ATAD2B: variants seen among roughly 807,000 people sequenced by gnomAD.
The protein encoded by ATAD2B is ATPase family AAA domain containing 2B.
ATAD2B carries 40 observed loss-of-function variants against 167.6 expected under a neutral mutation model. The observed-to-expected ratio is 0.24, with a 90% CI of 0.19 to 0.31. ATAD2B has a LOEUF of 0.31. Among genes scored for constraint, ATAD2B ranks in the 10% least tolerant of loss-of-function variants. ATAD2B has a pLI of 1.00. For synonymous variants in ATAD2B, 579 were observed against 596.5 expected, an observed-to-expected ratio of 0.97 and a Z score of 0.43; for missense variants, 1,242 against 1,757.2, an observed-to-expected ratio of 0.71 and a Z score of 5.24.
chr2:23,782,156 G>A (rs1383637681), intron 22 of ATAD2B, among the ~76,000 whole-genome samples: 1 of 152,124 alleles, frequency 6.6e-6, no homozygotes, highest in Admixed American at 6.6e-5. Context: ...TATTAGCCTT[G>A]CTCCATTTTC....
At chr2:23,876,033 C>A (rs1001211454) in intron 7 of ATAD2B, 129 bp from the exon 8 acceptor site, 5 of 689,472 alleles carry the variant, frequency 7.3e-6, no homozygotes, top group Non-Finnish European at 1.2e-5. Context: ...CTTGCTCTAA[C>A]GCCAGGCTGG....
chr2:23,772,189 T>A (rs1251109230), intron 22 of ATAD2B, among the ~76,000 whole-genome samples: 1 of 152,158 alleles, frequency 6.6e-6, no homozygotes, highest in African/African-American at 2.4e-5. Context: ...TTTTACTTCA[T>A]CTTGGCCAGA....
In ATAD2B at chr2:23,917,179, G is replaced by A. The variant is rs190307874; in HGVS notation, c.216+9376C>T. 2.2e-4 allele frequency among the ~76,000 whole-genome samples: 33 copies of A among 152,338 alleles called. No homozygotes were observed. In the East Asian group the frequency reaches 2.7e-3, roughly 12 times the overall value. On this transcript the variant is annotated intron_variant, in intron 1 of 27. Coordinates refer to ENST00000238789, the MANE Select transcript of ATAD2B (RefSeq NM_017552.4). Reference sequence around the variant, plus strand: ...GCTGCTCGATATTTACTGAATGAATGAATGAATGAACGAACAAAGGAACAA... The same window carrying A: ...GCTGCTCGATATTTACTGAATGAATAAATGAATGAACGAACAAAGGAACAA...
At chr2:23,700,605 C>A in the ATAD2B span, among the ~76,000 whole-genome samples, 3 of 152,198 alleles carry the variant, frequency 2.0e-5, no homozygotes, top group African/African-American at 7.2e-5. This position sits in a 1 kb window ranked among gnomAD's most constrained non-coding sequence, Gnocchi z 4.6. Flanking sequence ...AGAGAGCTGG[C>A]TGTTAAACAT....
chr2:23,833,044 G>A (rs1689313938), intron 14 of ATAD2B, among the ~76,000 whole-genome samples: 1 of 152,166 alleles, frequency 6.6e-6, no homozygotes, highest in Non-Finnish European at 1.5e-5. Context: ...AAATAACCTG[G>A]TGCCAATTTA....
the ATAD2B span, among the ~76,000 whole-genome samples, chr2:23,683,104 A>G: frequency 3.9e-5 from 6 of 152,254 alleles, no homozygotes; most frequent in Non-Finnish European, 5.9e-5. Flanking sequence ...CAGAGAGACA[A>G]AGGGTCTTGG....
chr2:23,829,067 T>C, intron 14 of ATAD2B, 128 bp from the exon 15 acceptor site: 2 of 623,918 alleles, frequency 3.2e-6, no homozygotes, highest in East Asian at 5.8e-5. Flanking sequence ...ATTTTTATTT[T>C]AAAAAAAATT....
chr2:23,769,495 T>C (rs995760248), intron 22 of ATAD2B, among the ~76,000 whole-genome samples: 3 of 151,962 alleles, frequency 2.0e-5, no homozygotes, highest in Admixed American at 6.6e-5. Flanking sequence ...GCCCTTTGTA[T>C]CCACAGGTTT....
chr2:23,800,853 G>GA (rs1348808530), intron 18 of ATAD2B, among the ~76,000 whole-genome samples: 1 of 151,804 alleles, frequency 6.6e-6, no homozygotes, highest in Non-Finnish European at 1.5e-5. Flanking sequence ...ACCTATTGGG[G>GA]AAAAAAATCA....
the ATAD2B span, chr2:23,696,535 CAG>C: frequency 6.7e-7 from 1 of 1,486,362 alleles, no homozygotes; most frequent in Non-Finnish European, 9.0e-7. This position sits in a 1 kb window ranked among gnomAD's most constrained non-coding sequence, Gnocchi z 5.5. Flanking sequence ...ACGGTCAGGA[CAG>C]GGGCATGCTC....
chr2:23,761,857 T>C (rs2149321048), intron 24 of ATAD2B, among the ~76,000 whole-genome samples: 1 of 152,190 alleles, frequency 6.6e-6, no homozygotes, highest in South Asian at 2.1e-4. Flanking sequence ...TTTCCCACCC[T>C]AAAGAGAACA....
At chr2:23,815,744 C>T (rs1686342028) in intron 17 of ATAD2B, among the ~76,000 whole-genome samples, 1 of 152,158 alleles carries the variant, frequency 6.6e-6, no homozygotes, top group Non-Finnish European at 1.5e-5. Flanking sequence ...CACAACTTTT[C>T]TGAAATTATA....
intron 2 of ATAD2B, among the ~76,000 whole-genome samples, chr2:23,891,962 T>G (rs1699567450): frequency 6.6e-6 from 1 of 152,206 alleles, no homozygotes; most frequent in Admixed American, 6.5e-5. Flanking sequence ...TCAAGGCATT[T>G]AATGATTTAT....
intron 1 of ATAD2B, among the ~76,000 whole-genome samples, chr2:23,899,655 A>G (rs1700563059): frequency 6.6e-6 from 1 of 151,940 alleles, no homozygotes; most frequent in South Asian, 2.1e-4. Flanking sequence ...CAGTGGCATG[A>G]TCTCAGCTCA....
chr2:23,911,394 A>G (rs1702280135), intron 1 of ATAD2B, among the ~76,000 whole-genome samples: 1 of 151,910 alleles, frequency 6.6e-6, no homozygotes, highest in African/African-American at 2.4e-5. Context: ...TCTCTACAAA[A>G]AATACAAAAA....
At chr2:23,770,492 T>G (rs1678167427) in intron 22 of ATAD2B, among the ~76,000 whole-genome samples, 1 of 152,236 alleles carries the variant, frequency 6.6e-6, no homozygotes, top group Non-Finnish European at 1.5e-5. Flanking sequence ...CTATAGGTTT[T>G]AAGTTCTTGT....
rs558036994 is a variant in ATAD2B at position 23,813,495 on chromosome 2, G to A, written c.2268-2993C>T. Among the ~76,000 whole-genome samples the A allele has an allele frequency of 2.7e-4, 41 of 151,766 alleles. 1 individual carries two copies. In the South Asian group the frequency reaches 8.5e-3, roughly 32 times the overall value. On this transcript the variant is annotated intron_variant, in intron 17 of 27. Transcript: ENST00000238789. ...TCACACCTGTAATCCCAGCACTTGG[G>A]AGACTGCGGTGGGGGGATCATTTGA...
chr2:23,749,046 G>T lies in ATAD2B; in HGVS notation c.*3000C>A, dbSNP rs1011430348. The T allele has an allele frequency of 1.3e-5, 2 of 151,892 alleles. No homozygotes were observed. Among genetic ancestry groups the T allele is most frequent in the African/African-American group, 4.8e-5 (2 of 41,342 alleles). 9.4% of individuals were successfully genotyped at this position (151,892 alleles called of 1,614,324 possible). A position where few individuals can be genotyped will look rare whatever the true frequency, so the allele number is the denominator to read the frequency against. ...GGACCTGACACTGAAGATACCTACT[G>T]AATAGCACCATAGCTGAACCAACTT... On this transcript the variant is annotated 3_prime_UTR_variant, in exon 28 of 28. Coordinates refer to ENST00000238789, the MANE Select transcript of ATAD2B (RefSeq NM_017552.4).
At chr2:23,882,216 T>A (rs1698013658) in intron 6 of ATAD2B, among the ~76,000 whole-genome samples, 1 of 151,836 alleles carries the variant, frequency 6.6e-6, no homozygotes, top group South Asian at 2.1e-4. Flanking sequence ...TATTTTTATT[T>A]TTTTTGAAAC....
Sources: allele counts gnomAD v4.1 joint callset (sites outside exome capture counted in the v4.1 genomes callset), GRCh38; gene constraint gnomAD v4.1.1; non-coding constraint Gnocchi (gnomAD v3.1); transcripts MANE v1.5; gene names NCBI Gene and HGNC (gene_info 2026-07-23, HGNC 2026-07-21).